The following PDE5A variants were observed in gnomAD, a reference collection of about 807,000 sequenced individuals.
The protein encoded by PDE5A is phosphodiesterase 5A.
Under a neutral mutation model 110.2 loss-of-function variants are expected in PDE5A, and 67 were observed. That is an observed-to-expected ratio of 0.61 (90% confidence interval 0.50 to 0.75). The LOEUF is 0.75. Among genes scored for constraint, PDE5A ranks in the 30% least tolerant of loss-of-function variants. The pLI, the probability that PDE5A is intolerant of heterozygous loss-of-function variation, is 0.00. For synonymous variants in PDE5A, 328 were observed against 351.2 expected (o/e 0.93, Z 0.74); for missense variants, 862 against 1,045.1 (o/e 0.82, Z 2.42).
intron 18 of PDE5A, among the ~76,000 whole-genome samples, chr4:119,503,512 G>A (rs1246153801): frequency 1.3e-5 from 2 of 152,046 alleles, no homozygotes; most frequent in Admixed American, 6.6e-5. Flanking sequence ...TTAGAGCTGA[G>A]GCACAGCGTA....
intron 9 of PDE5A, among the ~76,000 whole-genome samples, chr4:119,550,789 T>C (rs77137455): frequency 1.8e-3 from 275 of 152,338 alleles, no homozygotes; most frequent in Non-Finnish European, 3.0e-3. Context: ...TCTTTATACT[T>C]ATAAAAAAGC....
chr4:119,522,726 T>C (rs955433272), intron 12 of PDE5A, among the ~76,000 whole-genome samples: 3 of 152,066 alleles, frequency 2.0e-5, no homozygotes, highest in Admixed American at 6.6e-5. Flanking sequence ...TTTTAGATTC[T>C]GTTACCAGGA....
At chr4:119,576,419 T>C (rs1319228101) in intron 3 of PDE5A, among the ~76,000 whole-genome samples, 8 of 152,108 alleles carry the variant, frequency 5.3e-5, no homozygotes, top group Admixed American at 2.0e-4. Flanking sequence ...TATTCCAAAA[T>C]TGACCACATA....
chr4:119,604,035 G>A, intron 2 of PDE5A, among the ~76,000 whole-genome samples: 1 of 152,272 alleles, frequency 6.6e-6, no homozygotes, highest in African/African-American at 2.4e-5. Flanking sequence ...AGATCACAAT[G>A]TAAATTAGAT....
At chr4:119,530,429 T>C (rs1726487926) in intron 11 of PDE5A, among the ~76,000 whole-genome samples, 1 of 152,214 alleles carries the variant, frequency 6.6e-6, no homozygotes, top group East Asian at 1.9e-4. Context: ...ACATCTCCTA[T>C]GTGAAAGTTA....
chr4:119,541,712 A>G (rs1726935960), intron 10 of PDE5A: 1 of 152,176 alleles, frequency 6.6e-6, no homozygotes, highest in South Asian at 2.1e-4. Context: ...TCAACTGAAT[A>G]ATTTCAAGGC....
At chr4:119,624,107 A>G (rs554038210) in intron 1 of PDE5A, among the ~76,000 whole-genome samples, 2 of 152,308 alleles carry the variant, frequency 1.3e-5, no homozygotes, top group South Asian at 4.1e-4. Flanking sequence ...TATGAACAAC[A>G]TAAGAAAAAA....
chr4:119,599,552 G>A (rs1729267714), intron 2 of PDE5A, among the ~76,000 whole-genome samples: 1 of 151,874 alleles, frequency 6.6e-6, no homozygotes, highest in Non-Finnish European at 1.5e-5. Flanking sequence ...AAAACACCAA[G>A]TTCATTAATA....
intron 2 of PDE5A, 61 bp downstream of exon 2, chr4:119,606,648 A>G: frequency 8.4e-7 from 1 of 1,193,960 alleles, no homozygotes; most frequent in East Asian, 2.3e-5. Flanking sequence ...CAGCCATAGT[A>G]CCCGCCCCAG....
At chr4:119,606,311 T>G (rs1202290926) in intron 2 of PDE5A, among the ~76,000 whole-genome samples, 1 of 152,180 alleles carries the variant, frequency 6.6e-6, no homozygotes, top group Non-Finnish European at 1.5e-5. Flanking sequence ...TATGAGTTTT[T>G]TTTTGTTTTT....
At chr4:119,545,289 A>G (rs1037929791) in intron 9 of PDE5A, among the ~76,000 whole-genome samples, 2 of 152,202 alleles carry the variant, frequency 1.3e-5, no homozygotes, top group African/African-American at 4.8e-5. Context: ...ATTTACAGAT[A>G]GAGTGTTCAC....
At chr4:119,502,379 A>T (rs763150488) in intron 19 of PDE5A, 3 of 400,168 alleles carry the variant, frequency 7.5e-6, no homozygotes, top group Non-Finnish European at 8.9e-6. Context: ...CAATATGATG[A>T]ACCCAAGAGT....
At chr4:119,531,140 A>G (rs1726520369) in intron 11 of PDE5A, among the ~76,000 whole-genome samples, 1 of 152,142 alleles carries the variant, frequency 6.6e-6, no homozygotes, top group Non-Finnish European at 1.5e-5. Flanking sequence ...TGTTCCCCAT[A>G]AGTAGAGAAC....
intron 2 of PDE5A, among the ~76,000 whole-genome samples, chr4:119,599,269 C>A (rs1729259045): frequency 6.6e-6 from 1 of 151,864 alleles, no homozygotes; most frequent in Non-Finnish European, 1.5e-5. Flanking sequence ...CAGACTATGA[C>A]CAGCAGACAA....
At chr4:119,556,458 C>G (rs576753074) in intron 7 of PDE5A, among the ~76,000 whole-genome samples, 176 of 152,328 alleles carry the variant, frequency 1.2e-3, no homozygotes, top group Middle Eastern at 6.8e-3. Flanking sequence ...GTCTTGGTCC[C>G]CAAGGTCTTT....
At chr4:119,506,396 T>A (rs1344643390) in intron 16 of PDE5A, among the ~76,000 whole-genome samples, 2 of 151,802 alleles carry the variant, frequency 1.3e-5, no homozygotes, top group Non-Finnish European at 2.9e-5. Flanking sequence ...TAAAATAATA[T>A]TTGTTATTAT....
intron 17 of PDE5A, among the ~76,000 whole-genome samples, chr4:119,505,542 T>C (rs572968567): frequency 2.8e-4 from 42 of 152,050 alleles, no homozygotes; most frequent in African/African-American, 9.1e-4. Context: ...TATAATTCCA[T>C]TTTCAGCACT....
At chr4:119,624,019 C>T (rs1730252698) in intron 1 of PDE5A, among the ~76,000 whole-genome samples, 3 of 152,054 alleles carry the variant, frequency 2.0e-5, no homozygotes, top group Non-Finnish European at 4.4e-5. Context: ...TGGATTTCTC[C>T]AGGCAGGAAG....
intron 3 of PDE5A, among the ~76,000 whole-genome samples, chr4:119,580,606 C>T (rs575740615): frequency 2.6e-5 from 4 of 152,146 alleles, no homozygotes; most frequent in Non-Finnish European, 5.9e-5. Context: ...CCTCATCTCA[C>T]TAGGAATTCA....
Sources: gnomAD v4.1 joint callset for allele counts (sites outside exome capture counted in the v4.1 genomes callset) on GRCh38, gnomAD v4.1.1 for gene constraint, MANE v1.5 for transcripts, NCBI Gene and HGNC (gene_info 2026-07-23, HGNC 2026-07-21) for gene names.